Variants in DAZAP1 observed in about 807,000 individuals in gnomAD.
DAZAP1 encodes DAZ associated protein 1.
In DAZAP1, 6 loss-of-function variants were observed where a neutral mutation model predicts 60.1. The ratio of observed to expected loss-of-function variants is 0.10; its 90% CI spans 0.05 to 0.20. DAZAP1 has a LOEUF of 0.20. Ranked by LOEUF, DAZAP1 falls within the 10% of genes least tolerant of loss-of-function variation. The probability of loss-of-function intolerance (pLI) is 1.00; values close to 1 mark genes in which losing one functional copy is unlikely to be tolerated. For synonymous variants in DAZAP1, 235 were observed against 215.9 expected, an observed-to-expected ratio of 1.09 and a Z score of -0.78; for missense variants, 366 against 560.4, an observed-to-expected ratio of 0.65 and a Z score of 3.50.
chr19:1,409,650 A>G (rs951244366), intron 1 of DAZAP1, among the ~76,000 whole-genome samples: 1 of 152,064 alleles, frequency 6.6e-6, no homozygotes, highest in South Asian at 2.1e-4. Flanking sequence ...TTCTATGCGG[A>G]GTCCACGGTC....
Position 1,426,055 on chromosome 19 carries a change from G to A in DAZAP1, c.546+95G>A. 3 of 954,674 alleles carry A rather than the reference G, an allele frequency of 3.1e-6. No individual in the cohort carries two copies. Among genetic ancestry groups the A allele is most frequent in the Admixed American group, 3.4e-5 (2 of 58,660 alleles). 59.1% of individuals were successfully genotyped at this position (954,674 alleles called of 1,614,324 possible). A position where few individuals can be genotyped will look rare whatever the true frequency, so the allele number is the denominator to read the frequency against. On this transcript the variant is annotated intron_variant, in intron 7 of 11. Coordinates refer to ENST00000233078, the MANE Select transcript of DAZAP1 (RefSeq NM_018959.4). This position sits in a 1 kb window ranked among gnomAD's most constrained non-coding sequence, Gnocchi z 5.4. ...AAAGGAACATTCCTTCACGGAAAGG[G>A]TCGGGCGAGTTCGTCCTGTGAACCT...
At position 1,418,483 on chromosome 19, in the gene DAZAP1, G is replaced by A; in HGVS notation, c.237+113G>A. Reference sequence around the variant, plus strand: ...TGCGTTAGAGTATGTTTGAACGTGGGGTCGATTGGGAAGGATTAAGCCTTG... The same window carrying A: ...TGCGTTAGAGTATGTTTGAACGTGGAGTCGATTGGGAAGGATTAAGCCTTG... On this transcript the variant is annotated intron_variant, in intron 3 of 11. Coordinates refer to ENST00000233078, the MANE Select transcript of DAZAP1 (RefSeq NM_018959.4). This position sits in a 1 kb window ranked among gnomAD's most constrained non-coding sequence, Gnocchi z 5.7. 1 of 1,455,642 alleles carries A rather than the reference G, an allele frequency of 6.9e-7. No individual in the cohort carries two copies. The highest frequency in any genetic ancestry group is 9.5e-7 in the Non-Finnish European group (1 of 1,050,024). 90.2% of individuals were successfully genotyped at this position (1,455,642 alleles called of 1,614,324 possible).
chr19:1,414,823 A>G (rs938702136), intron 1 of DAZAP1, among the ~76,000 whole-genome samples: 1 of 148,736 alleles, frequency 6.7e-6, no homozygotes, highest in Non-Finnish European at 1.5e-5. Flanking sequence ...AGTATTTTTT[A>G]TTTTTTTTTT....
rs532760144 is a variant in DAZAP1 at position 1,417,276 on chromosome 19, C to T, written c.30-224C>T. 1.2e-4 allele frequency: 70 copies of T among 596,924 alleles called. 3 individuals carry two copies. The highest frequency in any genetic ancestry group is 9.9e-4 in the South Asian group (49 of 49,436). The allele number at this position is 596,924 out of a possible 1,614,324, so 37.0% of individuals were successfully genotyped here. A position where few individuals can be genotyped will look rare whatever the true frequency, so the allele number is the denominator to read the frequency against. ...GAGGTCAGCGTGCGGCTCTGTGGCACGGTCCTCTCCCCATGGCAAGGATTG... is the reference window on the plus strand; with the variant it reads ...GAGGTCAGCGTGCGGCTCTGTGGCATGGTCCTCTCCCCATGGCAAGGATTG... On this transcript the variant is annotated intron_variant, in intron 1 of 11. Transcript: ENST00000233078.
chr19:1,428,725 T>C lies in DAZAP1; in HGVS notation c.547-117T>C. On this transcript the variant is annotated intron_variant, in intron 7 of 11. Transcript: ENST00000233078. The surrounding 1 kb of genome is among the most constrained non-coding windows in gnomAD (Gnocchi z 4.0). Reference sequence around the variant, plus strand: ...CCTAAATAAGGTTTATAGTTAAGTATTTAGTCTTAAGTTGTAAGATGCTAA... The same window carrying C: ...CCTAAATAAGGTTTATAGTTAAGTACTTAGTCTTAAGTTGTAAGATGCTAA... 1 of 1,230,234 alleles carries C rather than the reference T, an allele frequency of 8.1e-7. No homozygotes were observed. Among genetic ancestry groups the C allele is most frequent in the Non-Finnish European group, 1.1e-6 (1 of 877,548 alleles). 76.2% of individuals were successfully genotyped at this position (1,230,234 alleles called of 1,614,324 possible). A position where few individuals can be genotyped will look rare whatever the true frequency, so the allele number is the denominator to read the frequency against.
rs1435597392 is a variant in DAZAP1 at position 1,428,038 on chromosome 19, C to T, written c.547-804C>T. ...TTTCAAGCAGGCATTAAAGGAAGGT[C>T]AGCCACTGCGCCTAGAATAAGTAGG... On this transcript the variant is annotated intron_variant, in intron 7 of 11. Coordinates refer to ENST00000233078, the MANE Select transcript of DAZAP1 (RefSeq NM_018959.4). This position sits in a 1 kb window ranked among gnomAD's most constrained non-coding sequence, Gnocchi z 4.0. The T allele has an allele frequency of 6.6e-6, 1 of 152,210 alleles. No homozygotes were observed. The highest frequency in any genetic ancestry group is 6.5e-5 in the Admixed American group (1 of 15,284). 9.4% of individuals were successfully genotyped at this position (152,210 alleles called of 1,614,324 possible).
intron 1 of DAZAP1, among the ~76,000 whole-genome samples, chr19:1,408,204 G>T (rs1327311682): frequency 6.6e-6 from 1 of 151,216 alleles, no homozygotes; most frequent in Admixed American, 6.6e-5. Flanking sequence ...GGGGTTCAGG[G>T]GCCCCCGCCG....
rs570218392 is a variant in DAZAP1, at chr19:1,429,069, G to A, written c.700+74G>A. 46 of 1,455,126 alleles carry A rather than the reference G, an allele frequency of 3.2e-5. No homozygotes were observed. The Admixed American group carries it at 9.0e-4, about 28-fold the overall frequency. 90.1% of individuals were successfully genotyped at this position (1,455,126 alleles called of 1,614,324 possible). ...TGGCCCGCGCGCCCTGGGCTGTGCC[G>A]TCGCTGCGGCCTCCCCACCTCTGCT... On this transcript the variant is annotated intron_variant, in intron 8 of 11. Coordinates refer to ENST00000233078, the MANE Select transcript of DAZAP1 (RefSeq NM_018959.4).
Position 1,433,587 on chromosome 19 carries a change from T to C in DAZAP1, c.1048+897T>C, listed in dbSNP as rs1014540911. 3.3e-6 allele frequency: 2 copies of C among 607,132 alleles called. No individual in the cohort carries two copies. Among genetic ancestry groups the C allele is most frequent in the Non-Finnish European group, 5.8e-6 (2 of 342,880 alleles). The allele number at this position is 607,132 out of a possible 1,614,324, so 37.6% of individuals were successfully genotyped here. A position where few individuals can be genotyped will look rare whatever the true frequency, so the allele number is the denominator to read the frequency against. On this transcript the variant is annotated intron_variant, in intron 11 of 11. Transcript: ENST00000233078. The surrounding 1 kb of genome is among the most constrained non-coding windows in gnomAD (Gnocchi z 6.1). The stretch of plus-strand genomic sequence containing the variant: ...CAGGCCTTGGGCCGAGGTTGCCGCA[T>C]GTGTGGGTTCTTGACCCACTCACCA...
chr19:1,409,192 G>T (rs1209506824), intron 1 of DAZAP1, among the ~76,000 whole-genome samples: 1 of 152,270 alleles, frequency 6.6e-6, no homozygotes, highest in Non-Finnish European at 1.5e-5. Context: ...GTGTGCCTGT[G>T]TGAGGGACAT....
At chr19:1,417,399 C>A (rs2083018090) in intron 1 of DAZAP1, 101 bp from the exon 2 acceptor site, 2 of 1,350,318 alleles carry the variant, frequency 1.5e-6, no homozygotes, top group South Asian at 1.3e-5. Context: ...TTTGCGTCAG[C>A]TGCTTCTGTG....
At position 1,422,459 on chromosome 19, in the gene DAZAP1, C is replaced by G; in HGVS notation, c.463+63C>G. 6.6e-7 allele frequency: 1 copy of G among 1,510,998 alleles called. No individual in the cohort carries two copies. Among genetic ancestry groups the G allele is most frequent in the Non-Finnish European group, 9.2e-7 (1 of 1,088,822 alleles). 93.6% of individuals were successfully genotyped at this position (1,510,998 alleles called of 1,614,324 possible). ...GCTCCTCCCTCAGATGGCAAACTAT[C>G]TCACCCGCCAGGCACACACAGGTGG... is the stretch of plus-strand genomic sequence containing the variant. On this transcript the variant is annotated intron_variant, in intron 6 of 11. Transcript: ENST00000233078. This position sits in a 1 kb window ranked among gnomAD's most constrained non-coding sequence, Gnocchi z 4.5.
At chr19:1,411,304 G>T (rs1219584801) in intron 1 of DAZAP1, among the ~76,000 whole-genome samples, 3 of 152,244 alleles carry the variant, frequency 2.0e-5, no homozygotes, top group Admixed American at 2.0e-4. Context: ...GTGCTGGGCA[G>T]CACCTTTGGC....
chr19:1,417,299 T>G, intron 1 of DAZAP1: 3 of 638,858 alleles, frequency 4.7e-6, no homozygotes, highest in Non-Finnish European at 8.2e-6. Flanking sequence ...ATGGCAAGGA[T>G]TGGGATCATC....
chr19:1,433,684 G>C lies in DAZAP1; in HGVS notation c.1048+994G>C, dbSNP rs972066020. On this transcript the variant is annotated intron_variant, in intron 11 of 11. Coordinates refer to ENST00000233078, the MANE Select transcript of DAZAP1 (RefSeq NM_018959.4). This position sits in a 1 kb window ranked among gnomAD's most constrained non-coding sequence, Gnocchi z 6.1. ...GGTTGGGGCGTGGCGTGTGTCAGCC[G>C]CTGCTCTTGGTGGCGGCTGCTTGGG... 1 of 1,469,728 alleles carries C rather than the reference G, an allele frequency of 6.8e-7. No individual in the cohort carries two copies. Among genetic ancestry groups the C allele is most frequent in the Non-Finnish European group, 9.5e-7 (1 of 1,052,092 alleles). The allele number at this position is 1,469,728 out of a possible 1,614,324, so 91.0% of individuals were successfully genotyped here. A position where few individuals can be genotyped will look rare whatever the true frequency, so the allele number is the denominator to read the frequency against.
At chr19:1,412,447 A>G (rs529509862) in intron 1 of DAZAP1, among the ~76,000 whole-genome samples, 31 of 152,312 alleles carry the variant, frequency 2.0e-4, no homozygotes, top group Non-Finnish European at 1.5e-4. Flanking sequence ...GCTGAGTGTG[A>G]CTGGCGGAGC....
intron 1 of DAZAP1, among the ~76,000 whole-genome samples, chr19:1,412,700 C>T (rs193291672): frequency 4.9e-4 from 74 of 152,346 alleles, no homozygotes; most frequent in Non-Finnish European, 1.5e-5. Flanking sequence ...GCACAGGCAC[C>T]CGAATGGCAC....
rs878911770 is a variant in DAZAP1 at position 1,407,619 on chromosome 19, AGCCGCCGCC to A, written c.-120_-112del. The A allele has an allele frequency of 6.5e-3, 1,566 of 239,814 alleles. 15 individuals are homozygous for A. Among genetic ancestry groups the A allele is most frequent in the Non-Finnish European group, 8.4e-3 (1,304 of 155,022 alleles). The allele number at this position is 239,814 out of a possible 1,614,324, so 14.9% of individuals were successfully genotyped here. A position where few individuals can be genotyped will look rare whatever the true frequency, so the allele number is the denominator to read the frequency against. On this transcript the variant is annotated 5_prime_UTR_variant, in exon 1 of 12. Coordinates refer to ENST00000233078, the MANE Select transcript of DAZAP1 (RefSeq NM_018959.4). ...ACCGTTGGCGCCGAGGGGAGGAGGC[AGCCGCCGCC>A]GCCGCCGCCGCCGCCGCCGCCGCCG...
rs113635056 is a variant in DAZAP1 at position 1,421,448 on chromosome 19, C to A, written c.414+190C>A. Among the ~76,000 whole-genome samples, 260 of 152,386 alleles carry A rather than the reference C, an allele frequency of 1.7e-3. 3 individuals carry two copies. In the East Asian group the frequency reaches 0.032, roughly 19 times the overall value. ...AAAGCCCGGCCTTTGCCTTCATGGC[C>A]ATTTCGTGTCCCAGTAGGGTGGTTG... On this transcript the variant is annotated intron_variant, in intron 5 of 11. Coordinates refer to ENST00000233078, the MANE Select transcript of DAZAP1 (RefSeq NM_018959.4).
Sources: allele counts gnomAD v4.1 joint callset (sites outside exome capture counted in the v4.1 genomes callset), GRCh38; gene constraint gnomAD v4.1.1; non-coding constraint Gnocchi (gnomAD v3.1); transcripts MANE v1.5; gene names NCBI Gene and HGNC (gene_info 2026-07-23, HGNC 2026-07-21).